Variants in RNLS observed in about 807,000 individuals in gnomAD.
RNLS encodes renalase.
Under a neutral mutation model 39.8 loss-of-function variants are expected in RNLS, and 39 were observed. The ratio of observed to expected loss-of-function variants is 0.98; its 90% confidence interval spans 0.76 to 1.28. The LOEUF is 1.28. Among genes scored for constraint, RNLS ranks in the 50% most tolerant of loss-of-function variants. The pLI is 0.00. For synonymous variants in RNLS, 147 were observed against 150.7 expected (o/e 0.98, Z 0.18); for missense variants, 410 against 413.3 (o/e 0.99, Z 0.07).
At chr10:88,582,960 G>T (rs771343562) in intron 1 of RNLS, 113 bp downstream of exon 1, 29 of 1,244,802 alleles carry the variant, frequency 2.3e-5, no homozygotes, top group Non-Finnish European at 2.8e-5. Context: ...GCCGCTCAGG[G>T]AGCTGAGGGT....
the RNLS span, among the ~76,000 whole-genome samples, chr10:88,210,063 C>T: frequency 6.6e-6 from 1 of 152,182 alleles, no homozygotes; most frequent in African/African-American, 2.4e-5. Context: ...TTGTACCGTG[C>T]CCTGAGGCGA....
the RNLS span, among the ~76,000 whole-genome samples, chr10:88,223,934 T>A: frequency 6.6e-5 from 10 of 150,766 alleles, no homozygotes; most frequent in African/African-American, 2.4e-4. Flanking sequence ...GAGTTTTAAA[T>A]CACAGAGAAG....
the RNLS span, among the ~76,000 whole-genome samples, chr10:88,231,763 C>G: frequency 6.6e-6 from 1 of 152,178 alleles, no homozygotes; most frequent in South Asian, 2.1e-4. Context: ...ATTCCAAGAT[C>G]AAGCACTAGG....
intron 1 of RNLS, 135 bp downstream of exon 1, chr10:88,582,938 C>T (rs1850720843): frequency 8.5e-6 from 9 of 1,052,650 alleles, no homozygotes; most frequent in Non-Finnish European, 1.0e-5. Flanking sequence ...GGCGCATGGG[C>T]CGCGCTACAC....
the RNLS span, among the ~76,000 whole-genome samples, chr10:88,208,412 T>C: frequency 1.0e-3 from 157 of 152,180 alleles, 1 homozygote; most frequent in African/African-American, 3.5e-3. Context: ...TATGGAAGAT[T>C]AAATGAAAAT....
chr10:88,340,158 A>C lies in RNLS; in HGVS notation c.700+22394T>G, dbSNP rs189103182. On this transcript the variant is annotated intron_variant, in intron 5 of 6. Coordinates refer to ENST00000331772, the MANE Select transcript of RNLS (RefSeq NM_001031709.3). ...TGAAGGTTTCCAGTGTGGAAAACCA[A>C]GGAGGTGAGATTTCCAGGTTCCCAA... 1.4e-3 allele frequency among the ~76,000 whole-genome samples: 208 copies of C among 152,332 alleles called. 1 individual carries two copies. The highest frequency in any genetic ancestry group is 0.014 in the Middle Eastern group (4 of 294).
intron 4 of RNLS, among the ~76,000 whole-genome samples, chr10:88,519,947 T>C (rs573908263): frequency 6.6e-6 from 1 of 152,044 alleles, no homozygotes; most frequent in South Asian, 2.1e-4. Context: ...ATTGTGCCCA[T>C]GTCTTATGGA....
rs113417233 is a variant in RNLS, at chr10:88,427,992, C to T, written c.527-65267G>A. Among the ~76,000 whole-genome samples the T allele has an allele frequency of 2.6e-4, 39 of 151,922 alleles. 1 individual carries two copies. The highest frequency in any genetic ancestry group is 8.4e-4 in the African/African-American group (35 of 41,484). ...AGACAGTAGAGTGGAAATCAACTCT[C>T]TGTTTCTGTCAGAATTGTTATGAAG... On this transcript the variant is annotated intron_variant, in intron 4 of 6. Transcript: ENST00000331772.
In RNLS at chr10:88,274,730, C is replaced by T. The variant is rs116341948; in HGVS notation, c.*231G>A. The T allele has an allele frequency of 2.9e-3, 1,207 of 417,790 alleles. 9 individuals are homozygous for T. The highest frequency in any genetic ancestry group is 0.022 in the African/African-American group (1,100 of 49,712). The allele number at this position is 417,790 out of a possible 1,614,324, so 25.9% of individuals were successfully genotyped here. On this transcript the variant is annotated 3_prime_UTR_variant, in exon 7 of 7. Coordinates refer to the RNLS transcript ENST00000371947. Reference sequence around the variant, plus strand: ...TCCAGATGTGGAACTGCAGATCATACAGCAATTCTATATTTCATTTCTAAA... The same window carrying T: ...TCCAGATGTGGAACTGCAGATCATATAGCAATTCTATATTTCATTTCTAAA...
chr10:88,216,743 G>C, the RNLS span, among the ~76,000 whole-genome samples: 1 of 152,186 alleles, frequency 6.6e-6, no homozygotes, highest in Non-Finnish European at 1.5e-5. Context: ...AAGGCAGGAA[G>C]AGGAATCAAA....
At chr10:88,499,511 C>T (rs995310992) in intron 4 of RNLS, among the ~76,000 whole-genome samples, 1 of 152,084 alleles carries the variant, frequency 6.6e-6, no homozygotes, top group African/African-American at 2.4e-5. Flanking sequence ...ATTGTGAGTG[C>T]TTTATCAGAT....
At chr10:88,173,090 C>T in the RNLS span, among the ~76,000 whole-genome samples, 2 of 151,662 alleles carry the variant, frequency 1.3e-5, no homozygotes, top group Admixed American at 1.3e-4. Context: ...GATCTCCTGA[C>T]CTTGTGATCA....
At chr10:88,339,813 A>G (rs1490807415) in intron 5 of RNLS, among the ~76,000 whole-genome samples, 1 of 152,210 alleles carries the variant, frequency 6.6e-6, no homozygotes, top group Non-Finnish European at 1.5e-5. Context: ...AAAGGATGAG[A>G]CACACTTAGC....
At chr10:88,214,797 C>A in the RNLS span, among the ~76,000 whole-genome samples, 1 of 152,074 alleles carries the variant, frequency 6.6e-6, no homozygotes, top group Non-Finnish European at 1.5e-5. Context: ...AATGTATTAA[C>A]TTTCATATTT....
chr10:88,199,853 G>A, the RNLS span, among the ~76,000 whole-genome samples: 12 of 152,200 alleles, frequency 7.9e-5, no homozygotes, highest in African/African-American at 1.7e-4. Context: ...CTTCCCTGAC[G>A]AGTGGTGGCT....
Position 88,440,053 on chromosome 10 carries a change from A to G in RNLS, c.527-77328T>C, listed in dbSNP as rs537346564. ...CTAGATTATAAATTTTTTGAGGGCA[A>G]GGGCTATATCTTCATCTTCAATCTT... On this transcript the variant is annotated intron_variant, in intron 4 of 6. Transcript: ENST00000331772. 3.9e-5 allele frequency among the ~76,000 whole-genome samples: 6 copies of G among 152,286 alleles called. No homozygotes were observed. The South Asian group carries it at 1.2e-3, about 32-fold the overall frequency.
Position 88,444,838 on chromosome 10 carries a change from C to T in RNLS, c.527-82113G>A, listed in dbSNP as rs185160604. The stretch of plus-strand genomic sequence containing the variant: ...GGACTATGTGAAAAGACCAAATCTA[C>T]GTCTGATTGGTGTACCTGAAAGTAA... On this transcript the variant is annotated intron_variant, in intron 4 of 6. Transcript: ENST00000331772. 4.5e-3 allele frequency among the ~76,000 whole-genome samples: 685 copies of T among 152,266 alleles called. 1 individual carries two copies. Among genetic ancestry groups the T allele is most frequent in the Non-Finnish European group, 5.5e-3 (376 of 68,024 alleles).
At chr10:88,570,961 T>A (rs1378916798) in intron 4 of RNLS, among the ~76,000 whole-genome samples, 1 of 113,878 alleles carries the variant, frequency 8.8e-6, no homozygotes, top group Non-Finnish European at 1.7e-5. Context: ...ATGTTGTATA[T>A]TCTTTTTTTT....
chr10:88,368,563 AC>A (rs1850298813), intron 4 of RNLS, among the ~76,000 whole-genome samples: 1 of 152,114 alleles, frequency 6.6e-6, no homozygotes, highest in South Asian at 2.1e-4. Flanking sequence ...TTTTCTCTAA[AC>A]ATGGTTGTGA....
Sources: allele counts gnomAD v4.1 joint callset (sites outside exome capture counted in the v4.1 genomes callset), GRCh38; gene constraint gnomAD v4.1.1; transcripts MANE v1.5; gene names NCBI Gene and HGNC (gene_info 2026-07-23, HGNC 2026-07-21).